Variants in FBXO15 observed in about 807,000 individuals in gnomAD.
FBXO15 encodes the protein F-box protein 15.
FBXO15 carries 30 observed loss-of-function variants against 49.5 expected under a neutral mutation model. The observed-to-expected ratio is 0.61, with a 90% CI of 0.45 to 0.82. The LOEUF is 0.82. FBXO15 is among the 40% of genes least tolerant of loss of function. The probability of loss-of-function intolerance (pLI) is 0.00; values close to 1 mark genes in which losing one functional copy is unlikely to be tolerated. For missense variants in FBXO15, 591 were observed against 631.5 expected, an observed-to-expected ratio of 0.94 and a Z score of 0.69; for synonymous variants, 250 against 232.7, an observed-to-expected ratio of 1.07 and a Z score of -0.68.
At chr18:74,139,498 G>A (rs1308481599) in intron 2 of FBXO15, among the ~76,000 whole-genome samples, 1 of 152,182 alleles carries the variant, frequency 6.6e-6, no homozygotes, top group Non-Finnish European at 1.5e-5. Flanking sequence ...ACTGAAATGT[G>A]TATACAGATA....
intron 6 of FBXO15, 37 bp downstream of exon 6, chr18:74,125,938 G>C: frequency 6.2e-7 from 1 of 1,608,608 alleles, no homozygotes; most frequent in Non-Finnish European, 8.5e-7. Flanking sequence ...ATTGTGATGG[G>C]GAAATGACAC....
intron 2 of FBXO15, 90 bp from the exon 3 acceptor site, chr18:74,135,956 C>G (rs560406828): frequency 1.9e-6 from 2 of 1,031,350 alleles, no homozygotes; most frequent in East Asian, 5.2e-5. Context: ...CTGCTCATCT[C>G]TAAATAGAAG....
chr18:74,101,754 G>A (rs1414089008), intron 8 of FBXO15, among the ~76,000 whole-genome samples: 1 of 152,134 alleles, frequency 6.6e-6, no homozygotes. Flanking sequence ...CATGGTACTG[G>A]TATAAAAATA....
intron 8 of FBXO15, among the ~76,000 whole-genome samples, chr18:74,116,604 T>G (rs192213181): frequency 6.0e-4 from 91 of 152,298 alleles, no homozygotes; most frequent in African/African-American, 2.0e-3. Flanking sequence ...CAGTAACCTG[T>G]CTGGACACTG....
intron 8 of FBXO15, among the ~76,000 whole-genome samples, chr18:74,090,358 C>T (rs537921106): frequency 9.2e-5 from 14 of 152,084 alleles, no homozygotes; most frequent in African/African-American, 3.4e-4. Flanking sequence ...AAAACAACTC[C>T]TGAATTCATT....
intron 2 of FBXO15, among the ~76,000 whole-genome samples, chr18:74,136,665 T>C (rs1178167732): frequency 6.6e-6 from 1 of 152,222 alleles, no homozygotes; most frequent in African/African-American, 2.4e-5. Context: ...CTAAATATGA[T>C]AGTGAGATAT....
chr18:74,098,445 A>AT (rs1345244443), intron 8 of FBXO15: 30 of 152,292 alleles, frequency 2.0e-4, no homozygotes, highest in Admixed American at 3.9e-4. Flanking sequence ...TCAGGAAATA[A>AT]ATGCACTTAG....
chr18:74,125,936 G>A, intron 6 of FBXO15, 39 bp downstream of exon 6: 1 of 1,606,692 alleles, frequency 6.2e-7, no homozygotes, highest in African/African-American at 1.3e-5. Context: ...GTATTGTGAT[G>A]GGGAAATGAC....
At chr18:74,108,439 T>C (rs1913866252) in intron 8 of FBXO15, among the ~76,000 whole-genome samples, 1 of 150,934 alleles carries the variant, frequency 6.6e-6, no homozygotes, top group Non-Finnish European at 1.5e-5. Flanking sequence ...ATTAGTAGGC[T>C]AGAGCTGAGT....
intron 8 of FBXO15, among the ~76,000 whole-genome samples, chr18:74,110,298 T>C (rs916259339): frequency 6.6e-6 from 1 of 151,288 alleles, no homozygotes; most frequent in Non-Finnish European, 1.5e-5. Context: ...ATAAGGTATT[T>C]GCACTAACCA....
At chr18:74,100,370 G>A (rs1008105072) in intron 8 of FBXO15, among the ~76,000 whole-genome samples, 5 of 152,008 alleles carry the variant, frequency 3.3e-5, no homozygotes, top group African/African-American at 1.2e-4. Flanking sequence ...TGAACTGAAT[G>A]ACAAAATGAG....
In FBXO15 at chr18:74,075,931, C is replaced by T. The variant is rs1476878867; in HGVS notation, c.1264-2201G>A. On this transcript the variant is annotated intron_variant, in intron 9 of 9. Coordinates refer to ENST00000419743, the MANE Select transcript of FBXO15 (RefSeq NM_001142958.2). The surrounding 1 kb of genome is among the most constrained non-coding windows in gnomAD (Gnocchi z 4.1). Reference sequence around the variant, plus strand: ...TGATTCCCAAAAGTTTATCTCCAGGCCGAACTTCTTTTCTAAGTTCAAGAC... The same window carrying T: ...TGATTCCCAAAAGTTTATCTCCAGGTCGAACTTCTTTTCTAAGTTCAAGAC... Among the ~76,000 whole-genome samples the T allele has an allele frequency of 6.6e-6, 1 of 152,188 alleles. No individual in the cohort carries two copies. The highest frequency in any genetic ancestry group is 1.5e-5 in the Non-Finnish European group (1 of 68,032).
chr18:74,126,446 C>G (rs996145328), intron 5 of FBXO15, among the ~76,000 whole-genome samples: 3 of 152,192 alleles, frequency 2.0e-5, no homozygotes, highest in African/African-American at 7.2e-5. Context: ...AAAGTAGACT[C>G]TCAATGTGTA....
chr18:74,094,497 A>G (rs533334331), intron 8 of FBXO15, among the ~76,000 whole-genome samples: 5 of 152,182 alleles, frequency 3.3e-5, no homozygotes, highest in Non-Finnish European at 5.9e-5. Context: ...CCAATAAAAT[A>G]TCTTTTCTTT....
intron 8 of FBXO15, among the ~76,000 whole-genome samples, chr18:74,111,518 G>A (rs55746276): frequency 0.087 from 13,283 of 151,984 alleles, 816 homozygotes; most frequent in Admixed American, 0.2. Context: ...CAAATTTTGT[G>A]GGAGGCAGTA....
chr18:74,130,762 G>T, intron 3 of FBXO15, 104 bp from the exon 4 acceptor site: 1 of 1,248,254 alleles, frequency 8.0e-7, no homozygotes, highest in Non-Finnish European at 1.1e-6. Context: ...CCAATTCCAT[G>T]AATAAGCCAA....
chr18:74,108,218 G>A (rs913704991), intron 8 of FBXO15, among the ~76,000 whole-genome samples: 13 of 152,102 alleles, frequency 8.5e-5, no homozygotes, highest in African/African-American at 3.1e-4. Context: ...GCTGTGACAG[G>A]GATGTTGGAA....
At chr18:74,088,821 T>C (rs1011931636) in intron 8 of FBXO15, among the ~76,000 whole-genome samples, 3 of 152,212 alleles carry the variant, frequency 2.0e-5, no homozygotes, top group Non-Finnish European at 4.4e-5. Context: ...CAATATTGAT[T>C]TTTCCTATCC....
intron 8 of FBXO15, among the ~76,000 whole-genome samples, chr18:74,085,100 A>G (rs562530315): frequency 1.3e-5 from 2 of 152,284 alleles, no homozygotes; most frequent in East Asian, 3.9e-4. Context: ...AATCACAAGC[A>G]TAATCCCAAT....
Sources: allele counts gnomAD v4.1 joint callset (sites outside exome capture counted in the v4.1 genomes callset), GRCh38; gene constraint gnomAD v4.1.1; non-coding constraint Gnocchi (gnomAD v3.1); transcripts MANE v1.5; gene names NCBI Gene and HGNC (gene_info 2026-07-23, HGNC 2026-07-21).